KANSL3: variants seen among roughly 807,000 people sequenced by gnomAD.
The protein encoded by KANSL3 is KAT8 regulatory NSL complex subunit 3.
KANSL3 carries 16 observed loss-of-function variants against 89.2 expected under a neutral mutation model. The ratio of observed to expected loss-of-function variants is 0.18; its 90% CI spans 0.12 to 0.27. The LOEUF (loss-of-function observed/expected upper bound fraction) is 0.27, where lower values mean the gene tolerates loss of function less well. KANSL3 is among the 10% of genes least tolerant of loss of function. The pLI, the probability that KANSL3 is intolerant of heterozygous loss-of-function variation, is 1.00. For missense variants in KANSL3, 879 were observed against 1,110.6 expected, an observed-to-expected ratio of 0.79 and a Z score of 2.96; for synonymous variants, 385 against 419.7, an observed-to-expected ratio of 0.92 and a Z score of 1.01.
chr2:96,604,139 C>G, intron 17 of KANSL3, 111 bp downstream of exon 17: 3 of 1,267,964 alleles, frequency 2.4e-6, no homozygotes, highest in Non-Finnish European at 3.2e-6. Context: ...ACTCTAAGAC[C>G]CAGAGGCCCA....
At chr2:96,611,900 C>CGTGTGTGTGTGTGT (rs1558703636) in intron 9 of KANSL3, among the ~76,000 whole-genome samples, 1 of 79,570 alleles carries the variant, frequency 1.3e-5, no homozygotes, top group African/African-American at 9.6e-5. Context: ...GATATATACC[C>CGTGTGTGTGTGTGT]ATATGTGTGT....
chr2:96,617,979 T>C (rs908287449), intron 5 of KANSL3, among the ~76,000 whole-genome samples: 2 of 140,878 alleles, frequency 1.4e-5, no homozygotes. Context: ...TGAGACTTTG[T>C]CTCAAAAAAA....
chr2:96,622,148 G>A (rs896551842), intron 3 of KANSL3, among the ~76,000 whole-genome samples: 3 of 152,038 alleles, frequency 2.0e-5, no homozygotes, highest in Admixed American at 1.3e-4. Flanking sequence ...ATGCAGCCAG[G>A]CAAAGTGGCT....
intron 17 of KANSL3, 192 bp downstream of exon 17, chr2:96,604,058 C>CCA: frequency 3.8e-6 from 2 of 522,812 alleles, no homozygotes; most frequent in Admixed American, 7.3e-5. Flanking sequence ...CATTTACTCA[C>CCA]TGCATTTATT....
Position 96,609,573 on chromosome 2 carries a change from A to G in KANSL3, c.1320-11T>C. The stretch of plus-strand genomic sequence containing the variant: ...TTTGCTTTGCTTATTCTAAGAAACA[A>G]AAAGGATGACATGTTTACTTCTTAC... On this transcript the variant is annotated splice_polypyrimidine_tract_variant and intron_variant, in intron 11 of 20. Transcript: ENST00000431828. 1 of 1,609,834 alleles carries G rather than the reference A, an allele frequency of 6.2e-7. No homozygotes were observed. The highest frequency in any genetic ancestry group is 8.5e-7 in the Non-Finnish European group (1 of 1,176,068).
intron 20 of KANSL3, 56 bp from the exon 21 acceptor site, chr2:96,595,687 T>G: frequency 6.3e-7 from 1 of 1,587,500 alleles, no homozygotes; most frequent in East Asian, 2.2e-5. Flanking sequence ...TATCATCATA[T>G]TCAGACCCTC....
At chr2:96,583,748 G>A in the KANSL3 span, among the ~76,000 whole-genome samples, 6 of 152,206 alleles carry the variant, frequency 3.9e-5, no homozygotes, top group Non-Finnish European at 5.9e-5. Flanking sequence ...TTTTGTGGAC[G>A]TAAGTTATCA....
chr2:96,635,856 C>A (rs1246945035), intron 2 of KANSL3, among the ~76,000 whole-genome samples: 1 of 151,964 alleles, frequency 6.6e-6, no homozygotes, highest in Non-Finnish European at 1.5e-5. Flanking sequence ...TAGCCAGGCA[C>A]AGTGGCACAC....
chr2:96,608,482 A>G, intron 14 of KANSL3, 26 bp downstream of exon 14: 1 of 1,612,862 alleles, frequency 6.2e-7, no homozygotes, highest in Non-Finnish European at 8.5e-7. Context: ...CAGACCCAAG[A>G]GGAGCCACTG....
the KANSL3 span, among the ~76,000 whole-genome samples, chr2:96,581,329 CAGG>C: frequency 6.6e-6 from 1 of 151,574 alleles, no homozygotes; most frequent in African/African-American, 2.4e-5. Flanking sequence ...GAGGCTGAGG[CAGG>C]AGAATCGCTT....
chr2:96,632,461 CA>C (rs1235601715), intron 2 of KANSL3, among the ~76,000 whole-genome samples: 1 of 151,304 alleles, frequency 6.6e-6, no homozygotes, highest in East Asian at 1.9e-4. Flanking sequence ...GACCCAGTCT[CA>C]AAAAAAAGGA....
intron 3 of KANSL3, among the ~76,000 whole-genome samples, chr2:96,625,543 ACT>A (rs2072136839): frequency 6.6e-6 from 1 of 152,152 alleles, no homozygotes; most frequent in African/African-American, 2.4e-5. Context: ...TGTTTTTCTT[ACT>A]CTGTATTAAT....
At chr2:96,609,148 A>G in intron 12 of KANSL3, 84 bp from the exon 13 acceptor site, 1 of 1,231,122 alleles carries the variant, frequency 8.1e-7, no homozygotes, top group Non-Finnish European at 1.2e-6. Context: ...ACTAAAACAG[A>G]TTCTCCCTCA....
intron 9 of KANSL3, 46 bp from the exon 10 acceptor site, chr2:96,611,184 G>A (rs1176687589): frequency 1.3e-6 from 2 of 1,536,022 alleles, no homozygotes; most frequent in Admixed American, 1.7e-5. Context: ...TGAGTTCATG[G>A]CACCTCAGCC....
intron 9 of KANSL3, among the ~76,000 whole-genome samples, chr2:96,611,907 G>A (rs531529061): frequency 9.7e-5 from 14 of 144,526 alleles, no homozygotes; most frequent in Admixed American, 3.9e-4. Flanking sequence ...ACCCATATGT[G>A]TGTGTGTGTG....
chr2:96,604,232 T>C lies in KANSL3; in HGVS notation c.2149+18A>G. On this transcript the variant is annotated intron_variant, in intron 17 of 20. Transcript: ENST00000431828. Reference sequence around the variant, plus strand: ...AAAATTCTGTGTTGGAAGGGGAGAATGCTGGGCCACAAGATACCTGGGAGG... The same window carrying C: ...AAAATTCTGTGTTGGAAGGGGAGAACGCTGGGCCACAAGATACCTGGGAGG... The C allele has an allele frequency of 6.3e-7, 1 of 1,584,754 alleles. No individual in the cohort carries two copies. Among genetic ancestry groups the C allele is most frequent in the Non-Finnish European group, 8.6e-7 (1 of 1,167,886 alleles).
intron 14 of KANSL3, chr2:96,607,110 G>A: frequency 2.8e-6 from 3 of 1,074,828 alleles, no homozygotes; most frequent in Admixed American, 2.5e-5. Flanking sequence ...AAAAGAGAGG[G>A]AATAAGAAAA....
chr2:96,614,776 A>C (rs1224190404), intron 5 of KANSL3, among the ~76,000 whole-genome samples: 2 of 151,172 alleles, frequency 1.3e-5, no homozygotes, highest in Non-Finnish European at 2.9e-5. Context: ...TCTCAAAAAA[A>C]AGAAAAAAAA....
chr2:96,631,554 A>G (rs2073391808), intron 2 of KANSL3, 72 bp from the exon 3 acceptor site: 1 of 1,522,006 alleles, frequency 6.6e-7, no homozygotes, highest in Non-Finnish European at 8.9e-7. Context: ...CTGGTTGACA[A>G]AAAATGTATC....
Sources: allele counts gnomAD v4.1 joint callset (sites outside exome capture counted in the v4.1 genomes callset), GRCh38; gene constraint gnomAD v4.1.1; transcripts MANE v1.5; gene names NCBI Gene and HGNC (gene_info 2026-07-23, HGNC 2026-07-21).